Variants in ATP2B2 observed in about 807,000 individuals in gnomAD.
ATP2B2 encodes ATPase plasma membrane Ca2+ transporting 2.
Under a neutral mutation model 120.0 loss-of-function variants are expected in ATP2B2, and 15 were observed. The ratio of observed to expected loss-of-function variants is 0.12; its 90% CI spans 0.08 to 0.19. ATP2B2 has a LOEUF of 0.19. Ranked by LOEUF, ATP2B2 falls within the 10% of genes least tolerant of loss-of-function variation. The probability of loss-of-function intolerance (pLI) is 1.00; values close to 1 mark genes in which losing one functional copy is unlikely to be tolerated. For synonymous variants in ATP2B2, 694 were observed against 700.3 expected (o/e 0.99, Z 0.14); for missense variants, 1,045 against 1,719.8 (o/e 0.61, Z 6.94).
chr3:10,352,592 T>A (rs2060609905), intron 14 of ATP2B2, among the ~76,000 whole-genome samples: 1 of 152,186 alleles, frequency 6.6e-6, no homozygotes, highest in Non-Finnish European at 1.5e-5. Context: ...TTCCAGGGCC[T>A]GGGGAGAAGC....
chr3:10,605,320 G>A (rs2069032399), intron 2 of ATP2B2, among the ~76,000 whole-genome samples: 2 of 152,188 alleles, frequency 1.3e-5, no homozygotes, highest in South Asian at 4.1e-4. Flanking sequence ...GGTCAATGTG[G>A]GATGCTAGTA....
At chr3:10,698,226 T>A (rs1460285034) in intron 1 of ATP2B2, among the ~76,000 whole-genome samples, 1 of 152,178 alleles carries the variant, frequency 6.6e-6, no homozygotes, top group Non-Finnish European at 1.5e-5. Flanking sequence ...TGGAAAAGAA[T>A]TCCTCCCTGA....
rs956475210 is a variant in ATP2B2, at chr3:10,329,495, C to G, written c.3421-370G>C. 6.6e-6 allele frequency among the ~76,000 whole-genome samples: 1 copy of G among 151,954 alleles called. No homozygotes were observed. The highest frequency in any genetic ancestry group is 2.4e-5 in the African/African-American group (1 of 41,332). On this transcript the variant is annotated intron_variant, in intron 22 of 22. Transcript: ENST00000360273. This position sits in a 1 kb window ranked among gnomAD's most constrained non-coding sequence, Gnocchi z 5.9. Reference sequence around the variant, plus strand: ...GTTCACTTTAAAGCAGAGGTTCAACCATGCAGACAGGGAGGAGGACCAGGT... The same window carrying G: ...GTTCACTTTAAAGCAGAGGTTCAACGATGCAGACAGGGAGGAGGACCAGGT...
intron 1 of ATP2B2, among the ~76,000 whole-genome samples, chr3:10,628,554 G>A (rs1416921563): frequency 6.6e-6 from 1 of 152,246 alleles, no homozygotes; most frequent in Non-Finnish European, 1.5e-5. Context: ...CGCAGGACAT[G>A]TAGTAGGGCG....
In ATP2B2 at chr3:10,328,026, T is replaced by A. The variant is rs916589473; in HGVS notation, c.*788A>T. 2.6e-5 allele frequency: 4 copies of A among 152,474 alleles called. No individual in the cohort carries two copies. The highest frequency in any genetic ancestry group is 5.9e-5 in the Non-Finnish European group (4 of 68,032). 9.4% of individuals were successfully genotyped at this position (152,474 alleles called of 1,614,324 possible). A position where few individuals can be genotyped will look rare whatever the true frequency, so the allele number is the denominator to read the frequency against. On this transcript the variant is annotated 3_prime_UTR_variant, in exon 23 of 23. Coordinates refer to ENST00000360273, the MANE Select transcript of ATP2B2 (RefSeq NM_001001331.4). The stretch of plus-strand genomic sequence containing the variant: ...ACAGGTTTGTAAACAAATTACATTC[T>A]TCTTTTAGGACATAAATAAGTTAAA...
At chr3:10,463,086 T>C (rs557586150) in intron 1 of ATP2B2, among the ~76,000 whole-genome samples, 38 of 152,358 alleles carry the variant, frequency 2.5e-4, no homozygotes, top group Admixed American at 1.2e-3. Flanking sequence ...CTAGTCCTCA[T>C]GCCAACTTCT....
At chr3:10,685,491 C>T (rs1559521011) in intron 1 of ATP2B2, among the ~76,000 whole-genome samples, 1 of 151,380 alleles carries the variant, frequency 6.6e-6, no homozygotes, top group African/African-American at 2.4e-5. Flanking sequence ...GGTCTCCTCA[C>T]TTGCCTGAGA....
chr3:10,683,154 T>TA (rs1014408162), intron 1 of ATP2B2, among the ~76,000 whole-genome samples: 31 of 149,722 alleles, frequency 2.1e-4, no homozygotes, highest in Admixed American at 9.3e-4. Context: ...ATTTTTTAAT[T>TA]AAAAAAAAAT....
At chr3:10,547,641 A>G (rs1463189293) in intron 2 of ATP2B2, among the ~76,000 whole-genome samples, 3 of 152,128 alleles carry the variant, frequency 2.0e-5, no homozygotes, top group Non-Finnish European at 4.4e-5. Context: ...GAGTTGCCTA[A>G]AGCCACACAG....
intron 12 of ATP2B2, among the ~76,000 whole-genome samples, chr3:10,366,517 G>A (rs1015746145): frequency 1.3e-5 from 2 of 152,136 alleles, no homozygotes; most frequent in African/African-American, 4.8e-5. Context: ...TCAGAAATAC[G>A]CCATAAACTC....
chr3:10,335,327 C>G (rs1221445781), intron 22 of ATP2B2, among the ~76,000 whole-genome samples: 1 of 152,178 alleles, frequency 6.6e-6, no homozygotes, highest in Non-Finnish European at 1.5e-5. Flanking sequence ...AGAACTTCAG[C>G]AAGTTCCAAG....
Position 10,326,449 on chromosome 3 carries a change from G to A in ATP2B2, c.*2365C>T. 2.9e-6 allele frequency: 1 copy of A among 349,364 alleles called. No individual in the cohort carries two copies. Among genetic ancestry groups the A allele is most frequent in the Non-Finnish European group, 5.1e-6 (1 of 195,084 alleles). The allele number at this position is 349,364 out of a possible 1,614,324, so 21.6% of individuals were successfully genotyped here. A position where few individuals can be genotyped will look rare whatever the true frequency, so the allele number is the denominator to read the frequency against. The stretch of plus-strand genomic sequence containing the variant: ...ACATGGAGCATGGTGTGCAAACACA[G>A]CTATCCTGATGTCATGGAACGAGGT... On this transcript the variant is annotated 3_prime_UTR_variant, in exon 23 of 23. Transcript: ENST00000360273.
chr3:10,688,555 T>G (rs998541542), intron 1 of ATP2B2, among the ~76,000 whole-genome samples: 53 of 152,236 alleles, frequency 3.5e-4, no homozygotes, highest in Non-Finnish European at 7.3e-5. Context: ...GATGTGTCCC[T>G]GTTGGCTTGT....
At chr3:10,515,081 G>T (rs1340621054) in intron 3 of ATP2B2, among the ~76,000 whole-genome samples, 3 of 152,216 alleles carry the variant, frequency 2.0e-5, no homozygotes, top group Non-Finnish European at 4.4e-5. Flanking sequence ...CTTTCTGGGG[G>T]ACACAGAGCA....
intron 2 of ATP2B2, among the ~76,000 whole-genome samples, chr3:10,438,406 G>A (rs1008240428): frequency 1.2e-4 from 19 of 152,166 alleles, no homozygotes; most frequent in Non-Finnish European, 2.1e-4. Flanking sequence ...ACTTCCTGGC[G>A]ACTGCTCTGT....
At position 10,392,195 on chromosome 3, in the gene ATP2B2, G is replaced by C. The variant is rs73113620; in HGVS notation, c.782-3793C>G. The stretch of plus-strand genomic sequence containing the variant: ...CCTCCCCCGCACAGCCTGGTTTGGA[G>C]CTGCAACTCCAGCACAATTTTTTGT... On this transcript the variant is annotated intron_variant, in intron 5 of 22. Transcript: ENST00000360273. 3.0e-3 allele frequency among the ~76,000 whole-genome samples: 457 copies of C among 152,292 alleles called. 3 individuals carry two copies. The highest frequency in any genetic ancestry group is 0.01 in the African/African-American group (433 of 41,548).
intron 14 of ATP2B2, among the ~76,000 whole-genome samples, chr3:10,353,920 T>C (rs146371271): frequency 1.3e-5 from 2 of 152,184 alleles, no homozygotes; most frequent in African/African-American, 2.4e-5. Flanking sequence ...AGGAACTCTA[T>C]GACAGGGCAC....
chr3:10,685,047 G>A (rs72624427), intron 1 of ATP2B2, among the ~76,000 whole-genome samples: 9,841 of 152,206 alleles, frequency 0.065, 535 homozygotes, highest in East Asian at 0.31. Context: ...GGCGATGGTA[G>A]ACAGACTCTC....
chr3:10,618,357 C>G (rs11718893), intron 2 of ATP2B2, among the ~76,000 whole-genome samples: 21,035 of 152,130 alleles, frequency 0.14, 1,648 homozygotes, highest in Middle Eastern at 0.24. Flanking sequence ...TAGGGCACGG[C>G]AAATACCAGT....
Sources: allele counts gnomAD v4.1 joint callset (sites outside exome capture counted in the v4.1 genomes callset), GRCh38; gene constraint gnomAD v4.1.1; non-coding constraint Gnocchi (gnomAD v3.1); transcripts MANE v1.5; gene names NCBI Gene and HGNC (gene_info 2026-07-23, HGNC 2026-07-21).